Variants in MIDEAS observed in about 807,000 individuals in gnomAD.
MIDEAS encodes the protein mitotic deacetylase associated SANT domain protein.
Under a neutral mutation model 102.7 loss-of-function variants are expected in MIDEAS, and 26 were observed. The observed-to-expected ratio is 0.25, with a 90% CI of 0.19 to 0.35. MIDEAS has a LOEUF of 0.35. MIDEAS is among the 10% of genes least tolerant of loss of function. The pLI is 1.00. For missense variants in MIDEAS, 1,231 were observed against 1,435.6 expected, an observed-to-expected ratio of 0.86 and a Z score of 2.30; for synonymous variants, 585 against 591.0, an observed-to-expected ratio of 0.99 and a Z score of 0.15.
intron 11 of MIDEAS, among the ~76,000 whole-genome samples, chr14:73,719,953 G>A (rs1216116797): frequency 6.6e-6 from 1 of 151,844 alleles, no homozygotes; most frequent in African/African-American, 2.4e-5. Context: ...CAGATGCGCA[G>A]GTAGCTACTT....
intron 1 of MIDEAS, among the ~76,000 whole-genome samples, chr14:73,753,684 G>A (rs971813106): frequency 6.6e-6 from 1 of 152,194 alleles, no homozygotes; most frequent in African/African-American, 2.4e-5. Context: ...TGAGAGCAAG[G>A]CTGGCCAGGC....
intron 1 of MIDEAS, among the ~76,000 whole-genome samples, chr14:73,785,145 C>T (rs968325802): frequency 1.8e-4 from 28 of 152,242 alleles, no homozygotes; most frequent in African/African-American, 6.5e-4. Context: ...TCCCCATGAG[C>T]GTCTTCTGCC....
At position 73,759,410 on chromosome 14, in the gene MIDEAS, G is replaced by T. The variant is rs1185145890; in HGVS notation, c.-248+353C>A. Reference sequence around the variant, plus strand: ...CGAGCCGCCGCGGGCCGCCGGGTGGGGAGGGCTTTCCTGGCGGGGCCGCGC... The same window carrying T: ...CGAGCCGCCGCGGGCCGCCGGGTGGTGAGGGCTTTCCTGGCGGGGCCGCGC... On this transcript the variant is annotated intron_variant, in intron 1 of 12. Coordinates refer to ENST00000423556, the MANE Select transcript of MIDEAS (RefSeq NM_001367710.1). The surrounding 1 kb of genome is among the most constrained non-coding windows in gnomAD (Gnocchi z 6.7). Among the ~76,000 whole-genome samples the T allele has an allele frequency of 1.3e-5, 2 of 151,820 alleles. No individual in the cohort carries two copies. The highest frequency in any genetic ancestry group is 4.1e-4 in the South Asian group (2 of 4,836).
chr14:73,724,467 C>T (rs1029681761), intron 9 of MIDEAS: 3 of 152,200 alleles, frequency 2.0e-5, no homozygotes, highest in African/African-American at 7.2e-5. Flanking sequence ...GGGGCGCCTC[C>T]GTGAATTTCA....
At chr14:73,722,627 G>C in intron 10 of MIDEAS, 71 bp downstream of exon 10, 1 of 1,562,380 alleles carries the variant, frequency 6.4e-7, no homozygotes, top group South Asian at 1.2e-5. Context: ...GCTCGGGCTC[G>C]GGCTCCCAGC....
At chr14:73,751,830 G>A (rs977711535) in intron 1 of MIDEAS, among the ~76,000 whole-genome samples, 1 of 152,134 alleles carries the variant, frequency 6.6e-6, no homozygotes. Context: ...AACCCAGGAG[G>A]CAGAGGTTGC....
chr14:73,726,898 G>A lies in MIDEAS; in HGVS notation c.2237C>T (p.Pro746Leu). 1.2e-6 allele frequency: 2 copies of A among 1,613,922 alleles called. No individual in the cohort carries two copies. The highest frequency in any genetic ancestry group is 1.7e-6 in the Non-Finnish European group (2 of 1,179,828). Residue 746 changes from proline (P) to leucine (L), a missense_variant, in exon 6 of 13, where the codon CCC (proline) becomes CTC (leucine). Physicochemically the swap from Pro to Leu is moderately conservative, Grantham distance 98. Coordinates refer to ENST00000423556, the MANE Select transcript of MIDEAS (RefSeq NM_001367710.1). ...MRDRALAAAD[P>L]HKADLVWQPW... ...CTGCCACACCAAGTCAGCCTTGTGG[G>A]GATCTGCAGCTGCCAGGGCACGGTC...
intron 3 of MIDEAS, among the ~76,000 whole-genome samples, chr14:73,733,027 G>A (rs1290488556): frequency 6.6e-6 from 1 of 152,080 alleles, no homozygotes; most frequent in Non-Finnish European, 1.5e-5. Flanking sequence ...AGGAGGCGGA[G>A]GTTGCAGTGA....
chr14:73,776,529 C>CA (rs71460920), intron 1 of MIDEAS, among the ~76,000 whole-genome samples: 3,221 of 113,196 alleles, frequency 0.028, 101 homozygotes, highest in African/African-American at 0.092. Flanking sequence ...GTTTAAATTA[C>CA]AAAAAAAAAA....
In MIDEAS at chr14:73,737,087, G is replaced by C. The variant is rs2053210763; in HGVS notation, c.1660C>G (p.Pro554Ala). 1 of 1,614,174 alleles carries C rather than the reference G, an allele frequency of 6.2e-7. No homozygotes were observed. Among genetic ancestry groups the C allele is most frequent in the East Asian group, 2.2e-5 (1 of 44,866 alleles). The change falls in exon 3 of 13, where the codon CCT becomes GCT. Residue 554 changes from proline (P) to alanine (A), a missense_variant. Pro to Ala is a conservative substitution (Grantham distance 27). This residue lies in a region of MIDEAS where 758 missense variants were observed against 856.0 expected (regional missense o/e 0.89). Coordinates refer to ENST00000423556, the MANE Select transcript of MIDEAS (RefSeq NM_001367710.1). ...AGGLDEDGKG[P>A]EQNPAEHKPS... ...TTGTGCTCAGCAGGGTTCTGTTCAG[G>C]ACCCTTCCCGTCCTCATCAAGACCT...
At chr14:73,763,947 A>G (rs972332551), upstream of MIDEAS, among the ~76,000 whole-genome samples, 2 of 152,208 alleles carry the variant, frequency 1.3e-5, no homozygotes, top group East Asian at 1.9e-4. Context: ...AAACTGCTTT[A>G]TAACTCAATC....
At chr14:73,785,197 C>T (rs910863494) in intron 1 of MIDEAS, among the ~76,000 whole-genome samples, 4 of 152,238 alleles carry the variant, frequency 2.6e-5, no homozygotes, top group African/African-American at 4.8e-5. Flanking sequence ...AATGTGAAAA[C>T]GATGGCCCTG....
chr14:73,780,004 C>T (rs951093281), intron 1 of MIDEAS, among the ~76,000 whole-genome samples: 2 of 151,118 alleles, frequency 1.3e-5, no homozygotes, highest in African/African-American at 4.9e-5. Context: ...TCCCGAGTAG[C>T]TGGGACTACA....
At chr14:73,726,562 C>A in intron 7 of MIDEAS, 42 bp downstream of exon 7, 4 of 1,590,898 alleles carry the variant, frequency 2.5e-6, no homozygotes, top group Middle Eastern at 1.9e-4. Flanking sequence ...CCAAGCCAGC[C>A]CCCACTGAGG....
intron 1 of MIDEAS, among the ~76,000 whole-genome samples, chr14:73,786,155 G>A (rs1262520834): frequency 6.6e-6 from 1 of 152,132 alleles, no homozygotes; most frequent in Admixed American, 6.6e-5. Context: ...ACACACCAAC[G>A]TGTCCCCGCC....
At chr14:73,762,008 T>G (rs1197544342), upstream of MIDEAS, among the ~76,000 whole-genome samples, 1 of 152,208 alleles carries the variant, frequency 6.6e-6, no homozygotes. Context: ...TTTACTTTTT[T>G]CATTTGCCTG....
At chr14:73,726,371 G>A (rs2053061085) in intron 7 of MIDEAS, among the ~76,000 whole-genome samples, 1 of 152,200 alleles carries the variant, frequency 6.6e-6, no homozygotes. Context: ...CATCCAGTCT[G>A]AGTCCACTGA....
chr14:73,780,163 C>T (rs1389080948), intron 1 of MIDEAS, among the ~76,000 whole-genome samples: 2 of 148,846 alleles, frequency 1.3e-5, no homozygotes, highest in Non-Finnish European at 3.0e-5. Context: ...CGTGAGCCAC[C>T]GCGCCCGGCC....
At chr14:73,781,532 C>G (rs975627561) in intron 1 of MIDEAS, among the ~76,000 whole-genome samples, 1 of 150,980 alleles carries the variant, frequency 6.6e-6, no homozygotes, top group Non-Finnish European at 1.5e-5. Flanking sequence ...GTTGGGAGTT[C>G]GAGACCAGCC....
Sources: gnomAD v4.1 joint callset for allele counts (sites outside exome capture counted in the v4.1 genomes callset) on GRCh38, gnomAD v4.1.1 for gene constraint, gnomAD v4.1.1 regional missense constraint, Gnocchi (gnomAD v3.1) non-coding constraint, MANE v1.5 for transcripts, NCBI Gene and HGNC (gene_info 2026-07-23, HGNC 2026-07-21) for gene names.